The following TBC1D14 variants were observed in gnomAD, a reference collection of about 807,000 sequenced individuals.
TBC1D14 encodes the protein TBC1 domain family member 14.
TBC1D14 carries 26 observed loss-of-function variants against 79.0 expected under a neutral mutation model. The ratio of observed to expected loss-of-function variants is 0.33; its 90% CI spans 0.24 to 0.46. The LOEUF is 0.46. TBC1D14 is among the 20% of genes least tolerant of loss of function. The pLI, the probability that TBC1D14 is intolerant of heterozygous loss-of-function variation, is 1.00. For synonymous variants in TBC1D14, 394 were observed against 349.9 expected, an observed-to-expected ratio of 1.13 and a Z score of -1.40; for missense variants, 769 against 887.6, an observed-to-expected ratio of 0.87 and a Z score of 1.70.
Position 6,923,814 on chromosome 4 carries a change from G to A in TBC1D14, c.425G>A (p.Ser142Asn), listed in dbSNP as rs144795768. The A allele has an allele frequency of 6.2e-6, 10 of 1,614,036 alleles. No homozygotes were observed. The highest frequency in any genetic ancestry group is 8.5e-6 in the Non-Finnish European group (10 of 1,180,052). The change falls in exon 2 of 14, where the codon AGC (serine) becomes AAC (asparagine). Residue 142 changes from serine to asparagine, a missense_variant. Physicochemically the swap from Ser to Asn is conservative, Grantham distance 46. Transcript: ENST00000409757. ...RTGYDSVKLY[S>N]PTSKALTRSD... is the part of the protein sequence containing the mutation. ...GGCTATGACTCGGTAAAGCTCTATAGCCCGACCTCCAAAGCCCTGACCCGC... is the reference window on the plus strand; with the variant it reads ...GGCTATGACTCGGTAAAGCTCTATAACCCGACCTCCAAAGCCCTGACCCGC...
At chr4:6,958,588 C>T (rs1714889140) in intron 2 of TBC1D14, among the ~76,000 whole-genome samples, 2 of 152,108 alleles carry the variant, frequency 1.3e-5, no homozygotes, top group Admixed American at 6.5e-5. Context: ...CACTACCACG[C>T]CTGGCTTATT....
At chr4:6,989,503 C>T (rs1718264290) in intron 3 of TBC1D14, among the ~76,000 whole-genome samples, 1 of 152,202 alleles carries the variant, frequency 6.6e-6, no homozygotes, top group Admixed American at 6.5e-5. Context: ...GTGAAAGCTT[C>T]CCATGTCCCC....
chr4:6,977,073 C>T (rs1458778046), intron 3 of TBC1D14, among the ~76,000 whole-genome samples: 1 of 17,746 alleles, frequency 5.6e-5, no homozygotes, highest in African/African-American at 9.8e-5. Context: ...TCCTCTCCCT[C>T]TCCCTCTCCC....
At chr4:7,001,996 G>T (rs956837654) in intron 7 of TBC1D14, among the ~76,000 whole-genome samples, 1 of 152,222 alleles carries the variant, frequency 6.6e-6, no homozygotes, top group Admixed American at 6.5e-5. Context: ...GGGAGTTGAT[G>T]ATGTGGTTTT....
Position 6,957,538 on chromosome 4 carries a change from G to A in TBC1D14, c.723-9766G>A, listed in dbSNP as rs146330752. Reference sequence around the variant, plus strand: ...CCTCTCCTTTACCCATATAGCGCTCGCCTCTTGCTTTTGCCTACTGGTCTC... The same window carrying A: ...CCTCTCCTTTACCCATATAGCGCTCACCTCTTGCTTTTGCCTACTGGTCTC... On this transcript the variant is annotated intron_variant, in intron 2 of 13. Coordinates refer to ENST00000409757, the MANE Select transcript of TBC1D14 (RefSeq NM_020773.3). 4.5e-4 allele frequency among the ~76,000 whole-genome samples: 68 copies of A among 152,294 alleles called. No individual in the cohort carries two copies. The East Asian group carries it at 0.011, about 25-fold the overall frequency.
At chr4:6,949,609 C>G (rs1040680933) in intron 2 of TBC1D14, among the ~76,000 whole-genome samples, 1 of 148,710 alleles carries the variant, frequency 6.7e-6, no homozygotes, top group Admixed American at 6.8e-5. Flanking sequence ...CTTGAACCCG[C>G]GAGGCAGAGT....
intron 3 of TBC1D14, among the ~76,000 whole-genome samples, chr4:6,978,722 C>T (rs1427360639): frequency 9.7e-4 from 135 of 139,776 alleles, no homozygotes; most frequent in Middle Eastern, 3.6e-3. Context: ...GCGAGAAACA[C>T]CCAAGAATGA....
intron 12 of TBC1D14, among the ~76,000 whole-genome samples, chr4:7,024,526 A>G (rs1722147663): frequency 6.6e-6 from 1 of 152,180 alleles, no homozygotes. Flanking sequence ...CATGATGAGC[A>G]CCAGGCTGGG....
At chr4:6,984,628 G>A (rs1717656108) in intron 3 of TBC1D14, among the ~76,000 whole-genome samples, 1 of 152,186 alleles carries the variant, frequency 6.6e-6, no homozygotes, top group African/African-American at 2.4e-5. Context: ...AGACTTCACA[G>A]CCCCCGTTAC....
chr4:6,946,633 T>C (rs1713493525), intron 2 of TBC1D14, among the ~76,000 whole-genome samples: 2 of 152,166 alleles, frequency 1.3e-5, no homozygotes, highest in Admixed American at 1.3e-4. Context: ...TTAGTGTTAT[T>C]TATTAATAAG....
chr4:7,027,855 CACAG>C (rs1722604852), intron 13 of TBC1D14, among the ~76,000 whole-genome samples: 2 of 146,046 alleles, frequency 1.4e-5, no homozygotes, highest in South Asian at 4.5e-4. Context: ...CCCACACACA[CACAG>C]ATCACCCCCA....
At chr4:7,004,606 T>C (rs1019529636) in intron 7 of TBC1D14, among the ~76,000 whole-genome samples, 1 of 152,216 alleles carries the variant, frequency 6.6e-6, no homozygotes, top group African/African-American at 2.4e-5. Context: ...GGGTAGGCTG[T>C]GTCAGAGAAC....
intron 6 of TBC1D14, among the ~76,000 whole-genome samples, chr4:6,999,531 TAGTG>T (rs966881450): frequency 2.6e-5 from 4 of 152,126 alleles, no homozygotes; most frequent in African/African-American, 9.7e-5. Flanking sequence ...GCAACACCCT[TAGTG>T]AGGTGGCCTG....
At chr4:7,021,345 C>A in intron 12 of TBC1D14, among the ~76,000 whole-genome samples, 1 of 152,300 alleles carries the variant, frequency 6.6e-6, no homozygotes, top group East Asian at 1.9e-4. Flanking sequence ...TGTCTATAGT[C>A]CCAGCACTTT....
intron 2 of TBC1D14, 145 bp downstream of exon 2, chr4:6,924,256 C>T (rs1194903550): frequency 1.5e-5 from 15 of 995,002 alleles, no homozygotes; most frequent in African/African-American, 9.9e-5. Flanking sequence ...CCCAGAAGCC[C>T]GGAATCCTGT....
chr4:7,023,468 C>G (rs901795881), intron 12 of TBC1D14, among the ~76,000 whole-genome samples: 16 of 152,170 alleles, frequency 1.1e-4, no homozygotes. Flanking sequence ...ATTCTCTAGA[C>G]TAAGGAAACA....
chr4:6,971,314 A>G (rs1228996015), intron 3 of TBC1D14, among the ~76,000 whole-genome samples: 1 of 152,230 alleles, frequency 6.6e-6, no homozygotes, highest in African/African-American at 2.4e-5. Context: ...GAACACAGTG[A>G]GTCGCCCGGC....
At chr4:6,954,161 C>T (rs1214241684) in intron 2 of TBC1D14, 2 of 632,518 alleles carry the variant, frequency 3.2e-6, no homozygotes, top group Middle Eastern at 4.0e-4. Flanking sequence ...TTGCCTTCAT[C>T]TGGCAGACGC....
chr4:6,937,075 G>A (rs1429813300), intron 2 of TBC1D14, among the ~76,000 whole-genome samples: 4 of 152,054 alleles, frequency 2.6e-5, no homozygotes, highest in Admixed American at 2.0e-4. Context: ...GTGCCACTGC[G>A]CCCGGCTAAT....
Sources: allele counts gnomAD v4.1 joint callset (sites outside exome capture counted in the v4.1 genomes callset), GRCh38; gene constraint gnomAD v4.1.1; transcripts MANE v1.5; gene names NCBI Gene and HGNC (gene_info 2026-07-23, HGNC 2026-07-21).